FSTL1: variants seen among roughly 807,000 people sequenced by gnomAD.
The protein encoded by FSTL1 is follistatin like 1, also known as follistatin-related protein 1.
FSTL1 carries 24 observed loss-of-function variants against 45.9 expected under a neutral mutation model. That is an observed-to-expected ratio of 0.52 (90% CI 0.38 to 0.74). The LOEUF (loss-of-function observed/expected upper bound fraction) is 0.74, where lower values mean the gene tolerates loss of function less well. Ranked by LOEUF, FSTL1 falls within the 30% of genes least tolerant of loss-of-function variation. The probability of loss-of-function intolerance (pLI) is 0.00; values close to 1 mark genes in which losing one functional copy is unlikely to be tolerated. For missense variants in FSTL1, 340 were observed against 381.8 expected (o/e 0.89, Z 0.91); for synonymous variants, 120 against 137.6 (o/e 0.87, Z 0.89).
chr3:120,402,967 A>T lies in FSTL1; in HGVS notation c.695-49T>A, dbSNP rs193167966. On this transcript the variant is annotated intron_variant, in intron 8 of 10. Coordinates refer to ENST00000295633, the MANE Select transcript of FSTL1 (RefSeq NM_007085.5). ...AACAGTTTAGCTGTGAGGGTGGAAC[A>T]GGGCATCTTTGCTACAGTCTGTGCA... The T allele has an allele frequency of 2.5e-6, 3 of 1,200,466 alleles. No homozygotes were observed. In the East Asian group the frequency reaches 7.0e-5, roughly 28 times the overall value. 74.4% of individuals were successfully genotyped at this position (1,200,466 alleles called of 1,614,324 possible).
chr3:120,435,966 T>C (rs1359094506), intron 2 of FSTL1, among the ~76,000 whole-genome samples: 1 of 152,106 alleles, frequency 6.6e-6, no homozygotes, highest in Non-Finnish European at 1.5e-5. Flanking sequence ...AAAACGCAAT[T>C]ACCTAAGCTG....
intron 5 of FSTL1, 112 bp from the exon 6 acceptor site, chr3:120,409,774 G>A: frequency 1.1e-6 from 1 of 901,584 alleles, no homozygotes; most frequent in Non-Finnish European, 1.7e-6. Flanking sequence ...TGTCATCCCA[G>A]CAACACAGGG....
chr3:120,442,014 C>A (rs77248074), intron 2 of FSTL1, among the ~76,000 whole-genome samples: 2 of 152,188 alleles, frequency 1.3e-5, no homozygotes, highest in Non-Finnish European at 2.9e-5. Flanking sequence ...ACAACCTGAG[C>A]CAGCACAAAG....
chr3:120,403,174 C>T lies in FSTL1; in HGVS notation c.694+68G>A. 3.3e-6 allele frequency: 3 copies of T among 895,804 alleles called. No individual in the cohort carries two copies. In the South Asian group the frequency reaches 4.0e-5, roughly 12 times the overall value. The allele number at this position is 895,804 out of a possible 1,614,324, so 55.5% of individuals were successfully genotyped here. ...CTAGCTCTGGAGAGTTCCACCAATC[C>T]TCTCTATCTTGGCTCCTACAAAATG... On this transcript the variant is annotated intron_variant, in intron 8 of 10. Coordinates refer to ENST00000295633, the MANE Select transcript of FSTL1 (RefSeq NM_007085.5).
At chr3:120,448,402 A>G (rs964433086) in intron 2 of FSTL1, among the ~76,000 whole-genome samples, 1 of 152,202 alleles carries the variant, frequency 6.6e-6, no homozygotes, top group African/African-American at 2.4e-5. Flanking sequence ...CCAAATTACA[A>G]TTCCCATAGG....
rs954519005 is a variant in FSTL1, at chr3:120,395,566, G to A, written c.*1386C>T. The A allele has an allele frequency of 4.2e-6, 2 of 474,114 alleles. No homozygotes were observed. Among genetic ancestry groups the A allele is most frequent in the African/African-American group, 4.0e-5 (2 of 49,530 alleles). 29.4% of individuals were successfully genotyped at this position (474,114 alleles called of 1,614,324 possible). A position where few individuals can be genotyped will look rare whatever the true frequency, so the allele number is the denominator to read the frequency against. On this transcript the variant is annotated 3_prime_UTR_variant, in exon 11 of 11. Transcript: ENST00000295633. ...CACTCTCTTCCTGCTTTACCCATGA[G>A]GACTCCATATCATAGCACGACCTGT... is the stretch of plus-strand genomic sequence containing the variant.
intron 8 of FSTL1, 48 bp from the exon 9 acceptor site, chr3:120,402,966 C>G: frequency 8.3e-7 from 1 of 1,207,742 alleles, no homozygotes; most frequent in Non-Finnish European, 1.2e-6. Context: ...GAGGGTGGAA[C>G]AGGGCATCTT....
chr3:120,431,836 T>G (rs904233104), intron 2 of FSTL1, among the ~76,000 whole-genome samples: 2 of 152,156 alleles, frequency 1.3e-5, no homozygotes, highest in Non-Finnish European at 2.9e-5. Context: ...CAAGGCAGCA[T>G]GTCAGGCTGC....
intron 7 of FSTL1, 80 bp downstream of exon 7, chr3:120,404,773 C>A: frequency 1.3e-6 from 1 of 778,594 alleles, no homozygotes; most frequent in Non-Finnish European, 2.3e-6. Flanking sequence ...GGCTCTTTTG[C>A]AGGTGGGAAA....
At chr3:120,417,476 G>A (rs1466122506) in intron 2 of FSTL1, among the ~76,000 whole-genome samples, 1 of 152,154 alleles carries the variant, frequency 6.6e-6, no homozygotes, top group Non-Finnish European at 1.5e-5. Context: ...TGGTTCACAT[G>A]CTGTTGATAA....
chr3:120,442,817 T>C lies in FSTL1; in HGVS notation c.63+7867A>G, dbSNP rs1387542895. On this transcript the variant is annotated intron_variant, in intron 2 of 10. Coordinates refer to ENST00000295633, the MANE Select transcript of FSTL1 (RefSeq NM_007085.5). ...AAAAAAAAAAAAAAAAAAAGCAGAC[T>C]TGGAGACACCCAGAAATGAGAACAA... Among the ~76,000 whole-genome samples, 10 of 128,052 alleles carry C rather than the reference T, an allele frequency of 7.8e-5. 1 individual carries two copies. The highest frequency in any genetic ancestry group is 3.8e-4 in the African/African-American group (10 of 26,066). The allele number at this position is 128,052 out of a possible 152,430, so 84.0% of individuals were successfully genotyped here.
chr3:120,424,738 G>T (rs981083125), intron 2 of FSTL1, among the ~76,000 whole-genome samples: 1 of 152,188 alleles, frequency 6.6e-6, no homozygotes, highest in Admixed American at 6.5e-5. Context: ...AGAGGAAGGA[G>T]AGAGTCTGGG....
intron 4 of FSTL1, among the ~76,000 whole-genome samples, chr3:120,411,512 A>T (rs1169371347): frequency 6.6e-6 from 1 of 152,234 alleles, no homozygotes; most frequent in African/African-American, 2.4e-5. Context: ...AGTGAAACTT[A>T]CCTACTTTCT....
At chr3:120,409,174 A>G (rs1366581887) in intron 6 of FSTL1, among the ~76,000 whole-genome samples, 1 of 152,230 alleles carries the variant, frequency 6.6e-6, no homozygotes, top group Non-Finnish European at 1.5e-5. Flanking sequence ...AAAGTGGTCC[A>G]GGTCTGGGTG....
At chr3:120,412,530 C>T (rs910106755) in intron 3 of FSTL1, among the ~76,000 whole-genome samples, 1 of 152,118 alleles carries the variant, frequency 6.6e-6, no homozygotes, top group Admixed American at 6.5e-5. Context: ...ACTTCCCAGC[C>T]TCCAGAACTG....
chr3:120,450,921 G>A lies in FSTL1; in HGVS notation c.-25C>T, dbSNP rs1937885826. On this transcript the variant is annotated 5_prime_UTR_variant, in exon 1 of 11. Transcript: ENST00000295633. The stretch of plus-strand genomic sequence containing the variant: ...CCGTGGTCTGGTCCAGGTCTCCTGG[G>A]GGCGCGGGGCAGGACGGCGGCAGCG... 2 of 496,852 alleles carry A rather than the reference G, an allele frequency of 4.0e-6. No individual in the cohort carries two copies. The highest frequency in any genetic ancestry group is 7.1e-6 in the Non-Finnish European group (2 of 283,100). 30.8% of individuals were successfully genotyped at this position (496,852 alleles called of 1,614,324 possible).
At chr3:120,438,696 TA>T (rs1405852642) in intron 2 of FSTL1, among the ~76,000 whole-genome samples, 2 of 152,190 alleles carry the variant, frequency 1.3e-5, no homozygotes, top group East Asian at 3.9e-4. Context: ...CCACCTACTC[TA>T]ACCCCCATAT....
At chr3:120,404,048 C>T (rs1283142445) in intron 7 of FSTL1, among the ~76,000 whole-genome samples, 2 of 151,700 alleles carry the variant, frequency 1.3e-5, no homozygotes, top group Non-Finnish European at 2.9e-5. Flanking sequence ...TATTTGAGCC[C>T]TGGCTCAATC....
At chr3:120,429,441 G>A (rs544281969) in intron 2 of FSTL1, among the ~76,000 whole-genome samples, 2 of 152,316 alleles carry the variant, frequency 1.3e-5, no homozygotes, top group South Asian at 2.1e-4. Context: ...AGACACACTT[G>A]GACAACAGGC....
Sources: gnomAD v4.1 joint callset for allele counts (sites outside exome capture counted in the v4.1 genomes callset) on GRCh38, gnomAD v4.1.1 for gene constraint, MANE v1.5 for transcripts, NCBI Gene and HGNC (gene_info 2026-07-23, HGNC 2026-07-21) for gene names.